The following SYNE3 variants were observed in gnomAD, a reference collection of about 807,000 sequenced individuals.
The protein encoded by SYNE3 is spectrin repeat containing nuclear envelope family member 3.
Under a neutral mutation model 111.2 loss-of-function variants are expected in SYNE3, and 100 were observed. The ratio of observed to expected loss-of-function variants is 0.90; its 90% CI spans 0.77 to 1.06. The LOEUF is 1.06. Ranked by LOEUF, SYNE3 falls within the 50% of genes least tolerant of loss-of-function variation. The pLI, the probability that SYNE3 is intolerant of heterozygous loss-of-function variation, is 0.00. For synonymous variants in SYNE3, 547 were observed against 533.9 expected, an observed-to-expected ratio of 1.02 and a Z score of -0.34; for missense variants, 1,160 against 1,240.3, an observed-to-expected ratio of 0.94 and a Z score of 0.97.
chr14:95,437,047 A>T, intron 14 of SYNE3, 66 bp from the exon 15 acceptor site: 2 of 1,600,136 alleles, frequency 1.2e-6, no homozygotes, highest in South Asian at 2.2e-5. Flanking sequence ...TGTCCTGGGA[A>T]TTCCACCTGA....
chr14:95,502,588 T>C (rs1012370974), intron 1 of SYNE3, among the ~76,000 whole-genome samples: 9 of 152,156 alleles, frequency 5.9e-5, no homozygotes, highest in Non-Finnish European at 1.2e-4. Context: ...GGAGATCCAC[T>C]GTGGGTGCCC....
intron 10 of SYNE3, chr14:95,444,176 T>C: frequency 2.3e-6 from 1 of 429,286 alleles, no homozygotes; most frequent in Non-Finnish European, 4.1e-6. Flanking sequence ...TGAACACCTC[T>C]GGACTCATTA....
At chr14:95,457,383 G>C (rs1887532363) in intron 4 of SYNE3, 45 bp from the exon 5 acceptor site, 4 of 1,600,848 alleles carry the variant, frequency 2.5e-6, no homozygotes, top group Non-Finnish European at 3.4e-6. Context: ...CCCCAGCCCA[G>C]ACAGCCCAAA....
rs147790793 is a variant in SYNE3, at chr14:95,449,617, C to T, written c.1449+314G>A. The T allele has an allele frequency of 1.4e-3, 1,399 of 985,442 alleles. 13 individuals carry two copies. The African/African-American group carries it at 0.018, about 13-fold the overall frequency. The allele number at this position is 985,442 out of a possible 1,614,324, so 61.0% of individuals were successfully genotyped here. A position where few individuals can be genotyped will look rare whatever the true frequency, so the allele number is the denominator to read the frequency against. ...AGGTCAGGTTTCTTGCCACTTGGAG[C>T]TGCAGTAAAGGCAATGGCCTGAGAA... On this transcript the variant is annotated intron_variant, in intron 8 of 17. Transcript: ENST00000682763.
intron 3 of SYNE3, 119 bp from the exon 4 acceptor site, chr14:95,466,359 G>T: frequency 8.5e-7 from 1 of 1,175,228 alleles, no homozygotes; most frequent in Non-Finnish European, 1.2e-6. Flanking sequence ...GCATGATGAT[G>T]CCCTTTCTGG....
intron 1 of SYNE3, among the ~76,000 whole-genome samples, chr14:95,505,148 C>A (rs952183646): frequency 6.6e-6 from 1 of 152,256 alleles, no homozygotes; most frequent in African/African-American, 2.4e-5. Context: ...GTGAAGGAGC[C>A]GGGCTCCTGT....
At chr14:95,428,449 A>G (rs1369073776) in intron 17 of SYNE3, among the ~76,000 whole-genome samples, 2 of 152,220 alleles carry the variant, frequency 1.3e-5, no homozygotes, top group African/African-American at 4.8e-5. Context: ...CTTAAAACCT[A>G]TGAAACACAG....
chr14:95,424,908 C>T (rs144293978), intron 17 of SYNE3, among the ~76,000 whole-genome samples: 30 of 152,286 alleles, frequency 2.0e-4, no homozygotes, highest in African/African-American at 5.5e-4. Flanking sequence ...GTAAGTGGTA[C>T]ATCTCCAGAC....
At chr14:95,432,263 C>A in intron 16 of SYNE3, 146 bp from the exon 17 acceptor site, 1 of 912,940 alleles carries the variant, frequency 1.1e-6, no homozygotes, top group South Asian at 1.6e-5. Context: ...ACAGCCTGAG[C>A]CAGCAGATGA....
At chr14:95,483,855 A>T (rs1889397466) in intron 1 of SYNE3, among the ~76,000 whole-genome samples, 1 of 152,194 alleles carries the variant, frequency 6.6e-6, no homozygotes, top group African/African-American at 2.4e-5. Flanking sequence ...TTACACAAGA[A>T]GTCCCACCTT....
chr14:95,505,245 C>A (rs1166739056), intron 1 of SYNE3, among the ~76,000 whole-genome samples: 1 of 152,232 alleles, frequency 6.6e-6, no homozygotes, highest in Non-Finnish European at 1.5e-5. Flanking sequence ...GGACAGGTTG[C>A]TTCTCAGGCT....
chr14:95,468,901 T>C (rs1248026258), intron 2 of SYNE3, among the ~76,000 whole-genome samples: 1 of 152,136 alleles, frequency 6.6e-6, no homozygotes, highest in Non-Finnish European at 1.5e-5. Flanking sequence ...AGGCTTGGTC[T>C]CTGTAGGCAA....
In SYNE3 at chr14:95,465,911, C is replaced by A. The variant is rs372682941; in HGVS notation, c.627+20G>T. ...ATGGATGGGTGGGTGAGGATGTAGC[C>A]CACTCAGCCTCACCCTCACCTGGGC... On this transcript the variant is annotated intron_variant, in intron 4 of 17. Transcript: ENST00000682763. 2.5e-5 allele frequency: 38 copies of A among 1,550,044 alleles called. No homozygotes were observed. In the African/African-American group the frequency reaches 4.7e-4, roughly 19 times the overall value.
At chr14:95,434,061 C>T (rs1885945068) in intron 15 of SYNE3, among the ~76,000 whole-genome samples, 1 of 151,800 alleles carries the variant, frequency 6.6e-6, no homozygotes, top group African/African-American at 2.4e-5. Flanking sequence ...TCTGATATGG[C>T]TGGAGTTGGG....
At chr14:95,473,500 A>G (rs539850179) in intron 2 of SYNE3, among the ~76,000 whole-genome samples, 4 of 151,954 alleles carry the variant, frequency 2.6e-5, no homozygotes, top group Non-Finnish European at 5.9e-5. Context: ...GGAGGGTTTC[A>G]TTTCTTGTGC....
At chr14:95,481,892 A>C (rs761162469) in intron 1 of SYNE3, among the ~76,000 whole-genome samples, 8 of 152,282 alleles carry the variant, frequency 5.3e-5, no homozygotes, top group African/African-American at 1.7e-4. Context: ...GCACTGAAAA[A>C]ACGCCCGAGG....
chr14:95,476,752 CA>C (rs773248126), intron 1 of SYNE3, among the ~76,000 whole-genome samples: 7 of 152,250 alleles, frequency 4.6e-5, no homozygotes, highest in Non-Finnish European at 7.3e-5. Flanking sequence ...GTTTATCCTC[CA>C]GTCTCCCACA....
chr14:95,464,487 A>C (rs1008263377), intron 4 of SYNE3, among the ~76,000 whole-genome samples: 3 of 152,244 alleles, frequency 2.0e-5, no homozygotes, highest in African/African-American at 7.2e-5. Context: ...CAATCTGAGA[A>C]GGAAATGTGC....
intron 4 of SYNE3, among the ~76,000 whole-genome samples, chr14:95,461,795 A>G (rs535127758): frequency 1.3e-5 from 2 of 152,232 alleles, no homozygotes; most frequent in Non-Finnish European, 2.9e-5. Context: ...GAGACCTTTT[A>G]TGCAGGGGAG....
Sources: allele counts gnomAD v4.1 joint callset (sites outside exome capture counted in the v4.1 genomes callset), GRCh38; gene constraint gnomAD v4.1.1; transcripts MANE v1.5; gene names NCBI Gene and HGNC (gene_info 2026-07-23, HGNC 2026-07-21).